The following PDSS2 variants were observed in gnomAD, a reference collection of about 807,000 sequenced individuals.
The protein encoded by PDSS2 is decaprenyl diphosphate synthase subunit 2.
Under a neutral mutation model 44.5 loss-of-function variants are expected in PDSS2, and 31 were observed. The observed-to-expected ratio is 0.70, with a 90% CI of 0.52 to 0.94. PDSS2 has a LOEUF of 0.94. PDSS2 is among the 40% of genes least tolerant of loss of function. PDSS2 has a pLI of 0.00. For missense variants in PDSS2, 452 were observed against 482.2 expected, an observed-to-expected ratio of 0.94 and a Z score of 0.59; for synonymous variants, 157 against 180.3, an observed-to-expected ratio of 0.87 and a Z score of 1.03.
At chr6:107,404,585 C>T (rs569621289) in intron 1 of PDSS2, among the ~76,000 whole-genome samples, 53 of 152,272 alleles carry the variant, frequency 3.5e-4, no homozygotes, top group African/African-American at 1.1e-3. Context: ...AGTAAAGGCA[C>T]GTCTTACATA....
intron 2 of PDSS2, among the ~76,000 whole-genome samples, chr6:107,327,331 T>C (rs1009612716): frequency 6.6e-6 from 1 of 151,572 alleles, no homozygotes; most frequent in Non-Finnish European, 1.5e-5. Flanking sequence ...CTCAGGAGAG[T>C]CTAAAACCTA....
At chr6:107,349,970 A>G (rs1254320888) in intron 1 of PDSS2, among the ~76,000 whole-genome samples, 1 of 152,132 alleles carries the variant, frequency 6.6e-6, no homozygotes, top group African/African-American at 2.4e-5. Context: ...TTAATCTGGA[A>G]CCGTTTCTTA....
chr6:107,166,174 T>A (rs1271879375), intron 7 of PDSS2, among the ~76,000 whole-genome samples: 3 of 151,940 alleles, frequency 2.0e-5, no homozygotes, highest in Admixed American at 6.6e-5. Flanking sequence ...TCCTGCCTGA[T>A]TGCCCTGGCC....
intron 1 of PDSS2, among the ~76,000 whole-genome samples, chr6:107,395,104 T>G (rs1486679517): frequency 6.6e-6 from 1 of 152,182 alleles, no homozygotes; most frequent in Non-Finnish European, 1.5e-5. Flanking sequence ...CTCAACACTT[T>G]AAAGATGTCA....
At chr6:107,360,470 T>A (rs934326199) in intron 1 of PDSS2, among the ~76,000 whole-genome samples, 7 of 152,156 alleles carry the variant, frequency 4.6e-5, no homozygotes, top group Non-Finnish European at 1.0e-4. Context: ...TGGCTTGGGA[T>A]CAAATTTAAA....
intron 2 of PDSS2, among the ~76,000 whole-genome samples, chr6:107,314,776 G>C (rs1777151532): frequency 1.3e-5 from 2 of 152,174 alleles, no homozygotes; most frequent in South Asian, 4.1e-4. Flanking sequence ...AGTAACGGTG[G>C]ATCAAAGGTC....
chr6:107,323,102 G>C (rs543413884), intron 2 of PDSS2, among the ~76,000 whole-genome samples: 1 of 152,306 alleles, frequency 6.6e-6, no homozygotes, highest in African/African-American at 2.4e-5. Flanking sequence ...GGGTGTTAAA[G>C]ACTACCTACC....
intron 1 of PDSS2, among the ~76,000 whole-genome samples, chr6:107,400,413 G>A (rs1780071530): frequency 6.6e-6 from 1 of 152,188 alleles, no homozygotes; most frequent in African/African-American, 2.4e-5. Flanking sequence ...TCCAGCTGCA[G>A]GTGCAGGAGT....
intron 1 of PDSS2, among the ~76,000 whole-genome samples, chr6:107,385,350 AT>A (rs1779580294): frequency 6.6e-6 from 1 of 151,976 alleles, no homozygotes; most frequent in Non-Finnish European, 1.5e-5. Flanking sequence ...AAAAAAAAAA[AT>A]CTTCATACAG....
intron 1 of PDSS2, among the ~76,000 whole-genome samples, chr6:107,447,780 T>C (rs1781736096): frequency 6.6e-6 from 1 of 152,328 alleles, no homozygotes; most frequent in African/African-American, 2.4e-5. Context: ...GAACTCTGTG[T>C]GGGGGCTCCA....
chr6:107,280,913 A>G (rs1211126783), intron 2 of PDSS2, among the ~76,000 whole-genome samples: 1 of 152,080 alleles, frequency 6.6e-6, no homozygotes, highest in Admixed American at 6.6e-5. Context: ...TCTTGACTAC[A>G]TTTGGAGTGG....
intron 7 of PDSS2, among the ~76,000 whole-genome samples, chr6:107,188,926 C>T (rs988364856): frequency 6.6e-6 from 1 of 152,104 alleles, no homozygotes; most frequent in African/African-American, 2.4e-5. Context: ...TTTTTTGAGA[C>T]AGGGTCTCAC....
intron 7 of PDSS2, among the ~76,000 whole-genome samples, chr6:107,159,643 C>T (rs1771050807): frequency 6.6e-6 from 1 of 151,764 alleles, no homozygotes; most frequent in South Asian, 2.1e-4. Flanking sequence ...TGGTCTTGAT[C>T]TCCTGACCTT....
chr6:107,348,156 G>A (rs1310889678), intron 1 of PDSS2, among the ~76,000 whole-genome samples: 1 of 152,146 alleles, frequency 6.6e-6, no homozygotes, highest in Non-Finnish European at 1.5e-5. Context: ...TAAGGTGATG[G>A]GCAACAGGAG....
chr6:107,453,881 A>G (rs1781952015), intron 1 of PDSS2, among the ~76,000 whole-genome samples: 1 of 152,106 alleles, frequency 6.6e-6, no homozygotes. Context: ...TTATCCATCC[A>G]TCCTTCAATG....
chr6:107,310,461 T>G (rs1777008128), intron 2 of PDSS2, among the ~76,000 whole-genome samples: 1 of 152,126 alleles, frequency 6.6e-6, no homozygotes, highest in African/African-American at 2.4e-5. Context: ...TCTGAGAGAT[T>G]ACCTAGGACG....
intron 1 of PDSS2, among the ~76,000 whole-genome samples, chr6:107,424,855 T>A (rs1744712399): frequency 6.6e-6 from 1 of 152,168 alleles, no homozygotes; most frequent in African/African-American, 2.4e-5. Context: ...CCATCAGTCT[T>A]TGATATGGTT....
intron 1 of PDSS2, among the ~76,000 whole-genome samples, chr6:107,445,777 T>C (rs182484872): frequency 6.6e-6 from 1 of 152,294 alleles, no homozygotes; most frequent in East Asian, 1.9e-4. Flanking sequence ...GGCAACATTA[T>C]TGGAAATAAT....
chr6:107,229,155 C>A (rs1237741403), intron 4 of PDSS2, among the ~76,000 whole-genome samples: 1 of 151,460 alleles, frequency 6.6e-6, no homozygotes, highest in Non-Finnish European at 1.5e-5. Context: ...TTTTTAACTC[C>A]AAGGAAAAAA....
Sources: gnomAD v4.1 joint callset for allele counts (sites outside exome capture counted in the v4.1 genomes callset) on GRCh38, gnomAD v4.1.1 for gene constraint, MANE v1.5 for transcripts, NCBI Gene and HGNC (gene_info 2026-07-23, HGNC 2026-07-21) for gene names.